The following CSMD2 variants were observed in gnomAD, a reference collection of about 807,000 sequenced individuals.
The protein encoded by CSMD2 is CUB and Sushi multiple domains 2, also known as CUB and sushi domain-containing protein 2.
In CSMD2, 130 loss-of-function variants were observed where a neutral mutation model predicts 398.5. The observed-to-expected ratio is 0.33, with a 90% confidence interval of 0.28 to 0.38. The LOEUF (loss-of-function observed/expected upper bound fraction) is 0.38, where lower values mean the gene tolerates loss of function less well. Ranked by LOEUF, CSMD2 falls within the 10% of genes least tolerant of loss-of-function variation. CSMD2 has a pLI of 1.00. For missense variants in CSMD2, 3,829 were observed against 4,764.9 expected, an observed-to-expected ratio of 0.80 and a Z score of 5.78; for synonymous variants, 1,828 against 1,908.5, an observed-to-expected ratio of 0.96 and a Z score of 1.10.
rs542129876 is a variant in CSMD2, at chr1:33,789,125, C to T, written c.1551-413G>A. Among the ~76,000 whole-genome samples, 14 of 152,252 alleles carry T rather than the reference C, an allele frequency of 9.2e-5. No homozygotes were observed. In the East Asian group the frequency reaches 2.7e-3, roughly 29 times the overall value. ...ACCGCCACCCCCACCTCCTTGCTGTCTTTATGTGGGTTTCCCCTCACAGAA... is the reference window on the plus strand; with the variant it reads ...ACCGCCACCCCCACCTCCTTGCTGTTTTTATGTGGGTTTCCCCTCACAGAA... On this transcript the variant is annotated intron_variant, in intron 11 of 70. Coordinates refer to ENST00000373381, the MANE Select transcript of CSMD2 (RefSeq NM_001281956.2).
chr1:33,643,782 C>G (rs1008001217), intron 29 of CSMD2, among the ~76,000 whole-genome samples: 2 of 151,964 alleles, frequency 1.3e-5, no homozygotes. Context: ...AGAAGCAGAC[C>G]AGAGGGTAAG....
At chr1:34,135,716 T>C (rs997041056) in intron 1 of CSMD2, among the ~76,000 whole-genome samples, 9 of 151,414 alleles carry the variant, frequency 5.9e-5, no homozygotes, top group Non-Finnish European at 2.9e-5. Context: ...TAAATCTATG[T>C]ACACCTACCC....
intron 3 of CSMD2, among the ~76,000 whole-genome samples, chr1:33,952,379 C>T (rs1317353032): frequency 3.9e-5 from 6 of 152,192 alleles, no homozygotes; most frequent in Non-Finnish European, 1.5e-5. Context: ...TTCTTCTCTG[C>T]CCCAGGGCCT....
intron 2 of CSMD2, among the ~76,000 whole-genome samples, chr1:34,037,180 C>T (rs936554887): frequency 2.0e-5 from 3 of 152,138 alleles, no homozygotes; most frequent in Admixed American, 6.5e-5. Flanking sequence ...TTGGACAGTA[C>T]GCCAGTCCTC....
At chr1:33,900,748 C>A (rs535105353) in intron 5 of CSMD2, among the ~76,000 whole-genome samples, 15 of 151,710 alleles carry the variant, frequency 9.9e-5, no homozygotes, top group African/African-American at 3.4e-4. Flanking sequence ...CCATTGCACT[C>A]CAGCCTGGGC....
intron 27 of CSMD2, among the ~76,000 whole-genome samples, chr1:33,653,967 G>T (rs1182714383): frequency 6.6e-6 from 1 of 152,170 alleles, no homozygotes. Flanking sequence ...TGGTACTTTA[G>T]CTGTGTCATG....
chr1:33,659,554 G>T (rs963581407), intron 26 of CSMD2, among the ~76,000 whole-genome samples: 1 of 152,228 alleles, frequency 6.6e-6, no homozygotes, highest in Non-Finnish European at 1.5e-5. Context: ...ATTTATTCTG[G>T]ATTACAAGGT....
At chr1:33,738,346 T>C (rs1380254690) in intron 15 of CSMD2, among the ~76,000 whole-genome samples, 3 of 152,172 alleles carry the variant, frequency 2.0e-5, no homozygotes, top group Admixed American at 2.0e-4. Context: ...CACAAATATT[T>C]ATTAAGCACC....
chr1:34,136,721 A>G (rs1014292042), intron 1 of CSMD2, among the ~76,000 whole-genome samples: 1 of 152,228 alleles, frequency 6.6e-6, no homozygotes, highest in South Asian at 2.1e-4. Flanking sequence ...TTGCTTAAAC[A>G]ATAAATTATG....
At chr1:33,683,993 T>A (rs987633488) in intron 25 of CSMD2, among the ~76,000 whole-genome samples, 2 of 152,246 alleles carry the variant, frequency 1.3e-5, no homozygotes, top group African/African-American at 2.4e-5. Flanking sequence ...TGGCAAGAGC[T>A]GTGAATGCAA....
rs531437647 is a variant in CSMD2, at chr1:33,589,879, T to C, written c.6857-2711A>G. Among the ~76,000 whole-genome samples the C allele has an allele frequency of 6.6e-5, 10 of 152,344 alleles. No individual in the cohort carries two copies. The East Asian group carries it at 1.9e-3, about 29-fold the overall frequency. On this transcript the variant is annotated intron_variant, in intron 44 of 70. Transcript: ENST00000373381. ...CAGTTTATCATTTGCTTAGTTTTAT[T>C]TATGGCACTTTTGATTTGTAGAAGT... is the stretch of plus-strand genomic sequence containing the variant.
intron 27 of CSMD2, among the ~76,000 whole-genome samples, chr1:33,656,661 C>A (rs1004199008): frequency 1.3e-5 from 2 of 152,254 alleles, no homozygotes; most frequent in Non-Finnish European, 2.9e-5. Context: ...GCAGGGGAGG[C>A]AGTGTGGGAG....
chr1:34,131,003 T>A (rs574186712), intron 1 of CSMD2, among the ~76,000 whole-genome samples: 1 of 152,276 alleles, frequency 6.6e-6, no homozygotes, highest in South Asian at 2.1e-4. Flanking sequence ...TAGTAGGTGT[T>A]CAATAAATGC....
intron 3 of CSMD2, among the ~76,000 whole-genome samples, chr1:33,965,977 A>G (rs1005942672): frequency 2.0e-5 from 3 of 152,250 alleles, no homozygotes; most frequent in Non-Finnish European, 4.4e-5. Context: ...AGCAGTAAGC[A>G]CAGCACAGGG....
chr1:33,573,914 G>C (rs1289784499), intron 49 of CSMD2, among the ~76,000 whole-genome samples: 1 of 151,270 alleles, frequency 6.6e-6, no homozygotes, highest in Admixed American at 6.6e-5. Context: ...ACTAGAAAGA[G>C]GGAAAAAAAA....
intron 3 of CSMD2, among the ~76,000 whole-genome samples, chr1:34,021,364 G>A (rs10914843): frequency 0.093 from 14,217 of 152,236 alleles, 1,006 homozygotes; most frequent in East Asian, 0.31. Context: ...AGACAGATAT[G>A]CATGTCCAGC....
At position 34,126,488 on chromosome 1, in the gene CSMD2, G is replaced by C. The variant is rs560946678; in HGVS notation, c.188-37295C>G. ...TGGCACAGCTGAAGCATTTCATGGG[G>C]GGCCCAGCCTGCAGCCACTGCCCAT... On this transcript the variant is annotated intron_variant, in intron 1 of 70. Coordinates refer to ENST00000373381, the MANE Select transcript of CSMD2 (RefSeq NM_001281956.2). Among the ~76,000 whole-genome samples, 3 of 152,312 alleles carry C rather than the reference G, an allele frequency of 2.0e-5. No homozygotes were observed. In the East Asian group the frequency reaches 5.8e-4, roughly 29 times the overall value.
chr1:33,877,394 G>T (rs2125163101), intron 5 of CSMD2, among the ~76,000 whole-genome samples: 1 of 152,248 alleles, frequency 6.6e-6, no homozygotes, highest in South Asian at 2.1e-4. Context: ...GTCGCACTGG[G>T]GGAGATGAGG....
chr1:33,714,814 C>A (rs370586211), intron 20 of CSMD2, 39 bp from the exon 21 acceptor site: 6 of 1,600,728 alleles, frequency 3.7e-6, no homozygotes, highest in Non-Finnish European at 5.1e-6. Context: ...AGAGACATTG[C>A]GGGGAGACAC....
Sources: gnomAD v4.1 joint callset for allele counts (sites outside exome capture counted in the v4.1 genomes callset) on GRCh38, gnomAD v4.1.1 for gene constraint, MANE v1.5 for transcripts, NCBI Gene and HGNC (gene_info 2026-07-23, HGNC 2026-07-21) for gene names.